The following SRGAP1 variants were observed in gnomAD, a reference collection of about 807,000 sequenced individuals.
SRGAP1 encodes the protein SLIT-ROBO Rho GTPase activating protein 1.
In SRGAP1, 43 loss-of-function variants were observed where a neutral mutation model predicts 121.9. That is an observed-to-expected ratio of 0.35 (90% CI 0.28 to 0.46). The LOEUF is 0.46. Among genes scored for constraint, SRGAP1 ranks in the 20% least tolerant of loss-of-function variants. The pLI is 1.00. For synonymous variants in SRGAP1, 447 were observed against 485.4 expected (o/e 0.92, Z 1.04); for missense variants, 1,102 against 1,350.9 (o/e 0.82, Z 2.89).
chr12:64,013,559 A>G (rs1034173316), intron 3 of SRGAP1, among the ~76,000 whole-genome samples: 2 of 152,230 alleles, frequency 1.3e-5, no homozygotes, highest in Non-Finnish European at 2.9e-5. Flanking sequence ...TGTCATGAGG[A>G]TAGCCAAGGG....
At chr12:63,867,492 G>A (rs1010498925) in intron 1 of SRGAP1, among the ~76,000 whole-genome samples, 16 of 152,192 alleles carry the variant, frequency 1.1e-4, no homozygotes, top group Admixed American at 5.2e-4. Flanking sequence ...AGTCAACACA[G>A]TATAGAGGTT....
At chr12:64,138,684 A>C (rs913167690) in intron 21 of SRGAP1, among the ~76,000 whole-genome samples, 5 of 151,742 alleles carry the variant, frequency 3.3e-5, no homozygotes, top group Non-Finnish European at 7.4e-5. Context: ...ATAGAATATA[A>C]AATAAAAATA....
chr12:63,993,924 T>G (rs993916262), intron 3 of SRGAP1, among the ~76,000 whole-genome samples: 1 of 152,328 alleles, frequency 6.6e-6, no homozygotes, highest in East Asian at 1.9e-4. Flanking sequence ...CTGATTATTT[T>G]AGATTTATGC....
intron 1 of SRGAP1, among the ~76,000 whole-genome samples, chr12:63,858,265 A>G (rs1355648297): frequency 6.6e-6 from 1 of 150,654 alleles, no homozygotes; most frequent in Non-Finnish European, 1.5e-5. Context: ...TTTGTCTTTA[A>G]ATTCTTGGGA....
intron 1 of SRGAP1, among the ~76,000 whole-genome samples, chr12:63,884,755 T>C (rs143660486): frequency 0.049 from 7,040 of 144,514 alleles, 231 homozygotes; most frequent in East Asian, 0.14. Flanking sequence ...GGAGTCTTGC[T>C]CTGTCGCCCA....
intron 4 of SRGAP1, among the ~76,000 whole-genome samples, chr12:64,039,895 A>G (rs887149617): frequency 3.3e-5 from 5 of 151,922 alleles, no homozygotes; most frequent in African/African-American, 1.2e-4. Context: ...TAGCCAACCA[A>G]ACTTCTCCCA....
At position 63,954,502 on chromosome 12, in the gene SRGAP1, C is replaced by T. The variant is rs140328831; in HGVS notation, c.68-29445C>T. On this transcript the variant is annotated intron_variant, in intron 1 of 21. Transcript: ENST00000355086. ...GACCATCCTGGCTAACATGGTGAAA[C>T]CCCGTCTCTACTAAAAATACAAAAA... 3.5e-3 allele frequency among the ~76,000 whole-genome samples: 536 copies of T among 151,980 alleles called. 2 individuals are homozygous for T. The highest frequency in any genetic ancestry group is 0.012 in the African/African-American group (510 of 41,478).
chr12:63,981,382 A>C (rs552322134), intron 1 of SRGAP1, among the ~76,000 whole-genome samples: 3 of 152,322 alleles, frequency 2.0e-5, no homozygotes, highest in East Asian at 3.9e-4. Flanking sequence ...CAAACAAAAA[A>C]AACCCCAGAA....
chr12:64,058,489 T>G (rs966923049), intron 6 of SRGAP1, among the ~76,000 whole-genome samples: 2 of 152,208 alleles, frequency 1.3e-5, no homozygotes, highest in African/African-American at 4.8e-5. Flanking sequence ...GAATCTGTCT[T>G]GACAGGTTTT....
intron 4 of SRGAP1, among the ~76,000 whole-genome samples, chr12:64,025,152 TA>T (rs11286618): frequency 0.44 from 58,778 of 134,996 alleles, 11,597 homozygotes; most frequent in Non-Finnish European, 0.48. Flanking sequence ...AACGTTTAAA[TA>T]AAAAAAAAAA....
chr12:64,137,206 G>A (rs1226433889), intron 21 of SRGAP1, among the ~76,000 whole-genome samples: 5 of 151,986 alleles, frequency 3.3e-5, no homozygotes, highest in Admixed American at 3.3e-4. Context: ...GGAGGTCGCA[G>A]TGAGCCGAGA....
intron 10 of SRGAP1, among the ~76,000 whole-genome samples, chr12:64,083,592 C>T (rs2035886832): frequency 6.6e-6 from 1 of 152,188 alleles, no homozygotes; most frequent in African/African-American, 2.4e-5. Flanking sequence ...TTATCATTTT[C>T]TTCATCCCTC....
intron 20 of SRGAP1, 44 bp from the exon 21 acceptor site, chr12:64,127,817 G>A (rs763989352): frequency 1.3e-6 from 2 of 1,598,508 alleles, no homozygotes; most frequent in Non-Finnish European, 8.5e-7. Context: ...ACTGCCCGGT[G>A]TGATAAGCTC....
At chr12:64,050,782 T>G (rs1019965812) in intron 6 of SRGAP1, among the ~76,000 whole-genome samples, 8 of 152,200 alleles carry the variant, frequency 5.3e-5, no homozygotes, top group African/African-American at 1.9e-4. Flanking sequence ...TGGAGTGCAG[T>G]GGTGCAATCT....
intron 6 of SRGAP1, among the ~76,000 whole-genome samples, chr12:64,058,842 C>A (rs2035394337): frequency 6.6e-6 from 1 of 152,030 alleles, no homozygotes; most frequent in Non-Finnish European, 1.5e-5. Context: ...CAGTGACTAG[C>A]CTTGCTGTCT....
At chr12:63,893,144 A>G (rs902588429) in intron 1 of SRGAP1, among the ~76,000 whole-genome samples, 12 of 152,038 alleles carry the variant, frequency 7.9e-5, no homozygotes, top group African/African-American at 2.9e-4. Flanking sequence ...TTCCCAGCCC[A>G]CTCCCCAATT....
chr12:63,961,062 T>C (rs943793491), intron 1 of SRGAP1, among the ~76,000 whole-genome samples: 1 of 152,184 alleles, frequency 6.6e-6, no homozygotes, highest in Non-Finnish European at 1.5e-5. Flanking sequence ...ATCATTGATT[T>C]TTTTTCCCCA....
At position 64,143,121 on chromosome 12, in the gene SRGAP1, G is replaced by A. The variant is rs2036994327; in HGVS notation, c.*449G>A. ...GTGATAATGGCATTGCGTGGTAGCTGACAATGAGCACCTTCGGTTCCATGT... is the reference window on the plus strand; with the variant it reads ...GTGATAATGGCATTGCGTGGTAGCTAACAATGAGCACCTTCGGTTCCATGT... On this transcript the variant is annotated 3_prime_UTR_variant, in exon 22 of 22. Transcript: ENST00000355086. The A allele has an allele frequency of 6.0e-6, 1 of 166,494 alleles. No homozygotes were observed. Among genetic ancestry groups the A allele is most frequent in the Non-Finnish European group, 1.3e-5 (1 of 75,566 alleles). 10.3% of individuals were successfully genotyped at this position (166,494 alleles called of 1,614,324 possible).
At chr12:64,131,601 T>C (rs2036785887) in intron 21 of SRGAP1, among the ~76,000 whole-genome samples, 1 of 152,190 alleles carries the variant, frequency 6.6e-6, no homozygotes. Context: ...CTCTGTCAAG[T>C]GATCATAGGG....
Sources: allele counts gnomAD v4.1 joint callset (sites outside exome capture counted in the v4.1 genomes callset), GRCh38; gene constraint gnomAD v4.1.1; transcripts MANE v1.5; gene names NCBI Gene and HGNC (gene_info 2026-07-23, HGNC 2026-07-21).